CBLN2: variants seen among roughly 807,000 people sequenced by gnomAD.
CBLN2 encodes cerebellin-2.
In CBLN2, 7 loss-of-function variants were observed where a neutral mutation model predicts 15.0. The ratio of observed to expected loss-of-function variants is 0.47; its 90% CI spans 0.27 to 0.88. The LOEUF (loss-of-function observed/expected upper bound fraction) is 0.88, where lower values mean the gene tolerates loss of function less well. CBLN2 is among the 40% of genes least tolerant of loss of function. The pLI is 0.14. For synonymous variants in CBLN2, 149 were observed against 135.2 expected, an observed-to-expected ratio of 1.10 and a Z score of -0.71; for missense variants, 242 against 304.5, an observed-to-expected ratio of 0.79 and a Z score of 1.53.
chr18:72,630,658 T>A (rs2069770245), intron 1 of CBLN2, among the ~76,000 whole-genome samples: 1 of 151,860 alleles, frequency 6.6e-6, no homozygotes, highest in South Asian at 2.1e-4. Context: ...ACACTTAGCC[T>A]GTTGACAGAT....
At chr18:72,575,085 C>T (rs1005714769) in intron 1 of CBLN2, among the ~76,000 whole-genome samples, 3 of 152,058 alleles carry the variant, frequency 2.0e-5, no homozygotes, top group Non-Finnish European at 4.4e-5. Context: ...AGATGTAGAA[C>T]CAACAGATTA....
intron 1 of CBLN2, among the ~76,000 whole-genome samples, chr18:72,603,121 T>A (rs1381107330): frequency 6.6e-6 from 1 of 152,266 alleles, no homozygotes; most frequent in Non-Finnish European, 1.5e-5. Context: ...AAAATCACAA[T>A]CCTTTAGTTC....
intron 1 of CBLN2, among the ~76,000 whole-genome samples, chr18:72,570,852 C>T (rs897613782): frequency 3.9e-5 from 6 of 152,042 alleles, no homozygotes; most frequent in Non-Finnish European, 8.8e-5. Flanking sequence ...CTGCTCCAAG[C>T]ACATCCATGA....
intron 1 of CBLN2, among the ~76,000 whole-genome samples, chr18:72,578,775 A>T (rs562362334): frequency 6.6e-6 from 1 of 152,314 alleles, no homozygotes; most frequent in African/African-American, 2.4e-5. Context: ...ACCTGCCTAG[A>T]AAAATGCAAT....
chr18:72,597,257 T>C (rs2069519306), intron 1 of CBLN2, among the ~76,000 whole-genome samples: 1 of 152,216 alleles, frequency 6.6e-6, no homozygotes. Flanking sequence ...TAGAAGAAAC[T>C]CCAAACACAG....
chr18:72,545,201 G>T (rs12605143), upstream of CBLN2, among the ~76,000 whole-genome samples: 9,071 of 152,180 alleles, frequency 0.06, 940 homozygotes, highest in East Asian at 0.54. Context: ...GAACAGAACT[G>T]CCAAGGCATC....
intron 1 of CBLN2, among the ~76,000 whole-genome samples, chr18:72,612,441 C>T (rs1004331216): frequency 6.6e-6 from 1 of 152,120 alleles, no homozygotes; most frequent in Admixed American, 6.6e-5. Context: ...TTACTTCCCT[C>T]AAACTGATTG....
At chr18:72,618,500 G>A (rs2069677944) in intron 1 of CBLN2, 2 of 678,016 alleles carry the variant, frequency 2.9e-6, no homozygotes, top group Non-Finnish European at 5.5e-6. Flanking sequence ...GGTCACACAA[G>A]GTGGATGCAA....
intron 1 of CBLN2, among the ~76,000 whole-genome samples, chr18:72,586,494 T>C (rs2144924869): frequency 6.6e-6 from 1 of 152,266 alleles, no homozygotes; most frequent in Non-Finnish European, 1.5e-5. Flanking sequence ...GGAAAGAACA[T>C]AACTGTCATG....
At chr18:72,590,070 A>C (rs1391507511) in intron 1 of CBLN2, among the ~76,000 whole-genome samples, 1 of 152,184 alleles carries the variant, frequency 6.6e-6, no homozygotes, top group Non-Finnish European at 1.5e-5. Flanking sequence ...GATCAAGACC[A>C]CCCTGGCTAA....
At chr18:72,560,804 C>A (rs533552761) in intron 1 of CBLN2, among the ~76,000 whole-genome samples, 1 of 151,972 alleles carries the variant, frequency 6.6e-6, no homozygotes. Flanking sequence ...GTCAGGAGAT[C>A]GAGACCATCC....
At chr18:72,615,816 A>T (rs1000414791) in intron 1 of CBLN2, among the ~76,000 whole-genome samples, 1 of 152,214 alleles carries the variant, frequency 6.6e-6, no homozygotes, top group Admixed American at 6.5e-5. Flanking sequence ...GAATGAAATT[A>T]GAAGAATTTG....
In CBLN2 at chr18:72,537,485, G is replaced by T. The variant is rs967864742; in HGVS notation, c.*691C>A. The T allele has an allele frequency of 2.0e-5, 3 of 152,566 alleles. No homozygotes were observed. Among genetic ancestry groups the T allele is most frequent in the Non-Finnish European group, 4.4e-5 (3 of 68,022 alleles). The allele number at this position is 152,566 out of a possible 1,614,324, so 9.5% of individuals were successfully genotyped here. On this transcript the variant is annotated 3_prime_UTR_variant, in exon 5 of 5. Coordinates refer to ENST00000269503, the MANE Select transcript of CBLN2 (RefSeq NM_182511.4). ...CCCCAGCAAGAAAAATAAAAGTGGG[G>T]TTGAGGAGGGAGAGCTGAGTGTGGA...
At chr18:72,589,516 A>G (rs1316368335) in intron 1 of CBLN2, among the ~76,000 whole-genome samples, 2 of 152,168 alleles carry the variant, frequency 1.3e-5, no homozygotes, top group Non-Finnish European at 2.9e-5. Flanking sequence ...CATGGATGAG[A>G]TACTATCAGG....
intron 1 of CBLN2, among the ~76,000 whole-genome samples, chr18:72,577,145 GC>G (rs1417519819): frequency 1.3e-5 from 2 of 149,868 alleles, no homozygotes; most frequent in Non-Finnish European, 3.0e-5. Context: ...TGCAATATAG[GC>G]TTTAAAATGC....
intron 1 of CBLN2, among the ~76,000 whole-genome samples, chr18:72,584,799 C>G (rs1056763679): frequency 1.3e-5 from 2 of 152,192 alleles, no homozygotes; most frequent in African/African-American, 4.8e-5. Context: ...GGTGTCACTT[C>G]ACCAGTCAGA....
intron 1 of CBLN2, among the ~76,000 whole-genome samples, chr18:72,561,345 A>G (rs1010159427): frequency 3.3e-5 from 5 of 152,058 alleles, no homozygotes; most frequent in South Asian, 4.1e-4. Context: ...ACAATATTAT[A>G]TGAGAATACT....
chr18:72,609,400 G>C (rs2069605885), intron 1 of CBLN2, among the ~76,000 whole-genome samples: 1 of 151,998 alleles, frequency 6.6e-6, no homozygotes, highest in Non-Finnish European at 1.5e-5. Flanking sequence ...ACACACAGAG[G>C]AGAGACCATT....
At chr18:72,592,954 A>G in intron 1 of CBLN2, among the ~76,000 whole-genome samples, 1 of 152,086 alleles carries the variant, frequency 6.6e-6, no homozygotes, top group East Asian at 1.9e-4. Flanking sequence ...TTTGCTCAGG[A>G]TGACTTTGTC....
Sources: gnomAD v4.1 joint callset for allele counts (sites outside exome capture counted in the v4.1 genomes callset) on GRCh38, gnomAD v4.1.1 for gene constraint, MANE v1.5 for transcripts, NCBI Gene and HGNC (gene_info 2026-07-23, HGNC 2026-07-21) for gene names.